The following SLC39A11 variants were observed in gnomAD, a reference collection of about 807,000 sequenced individuals.
SLC39A11 encodes solute carrier family 39 member 11, also known as zinc transporter ZIP11.
A neutral mutation model predicts 36.1 loss-of-function variants in SLC39A11; 33 were observed. The ratio of observed to expected loss-of-function variants is 0.91; its 90% CI spans 0.69 to 1.22. The LOEUF (loss-of-function observed/expected upper bound fraction) is 1.22, where lower values mean the gene tolerates loss of function less well. Ranked by LOEUF, SLC39A11 falls within the 50% of genes most tolerant of loss-of-function variation. The pLI is 0.00. For synonymous variants in SLC39A11, 166 were observed against 170.3 expected (o/e 0.97, Z 0.20); for missense variants, 432 against 430.3 (o/e 1.00, Z -0.03).
At chr17:72,757,217 C>T (rs2144465012) in intron 6 of SLC39A11, among the ~76,000 whole-genome samples, 1 of 151,996 alleles carries the variant, frequency 6.6e-6, no homozygotes, top group African/African-American at 2.4e-5. Flanking sequence ...AAAAGTGGTT[C>T]AAGGTTCAAG....
At chr17:72,982,402 G>C (rs1465148761) in intron 4 of SLC39A11, among the ~76,000 whole-genome samples, 1 of 152,126 alleles carries the variant, frequency 6.6e-6, no homozygotes, top group Non-Finnish European at 1.5e-5. Context: ...GTCATTAATA[G>C]GTTAATTTTA....
intron 6 of SLC39A11, among the ~76,000 whole-genome samples, chr17:72,815,003 G>A (rs1222599753): frequency 6.6e-6 from 1 of 152,126 alleles, no homozygotes; most frequent in African/African-American, 2.4e-5. Flanking sequence ...GCAGGGTAGG[G>A]GGTAAAAAAC....
intron 5 of SLC39A11, among the ~76,000 whole-genome samples, chr17:72,891,876 A>G (rs1259059768): frequency 5.3e-5 from 8 of 151,906 alleles, no homozygotes; most frequent in Admixed American, 1.3e-4. Context: ...TTTAAAATTT[A>G]AAAAACTCTC....
chr17:72,736,801 T>A, intron 6 of SLC39A11, 82 bp from the exon 7 acceptor site: 1 of 1,106,884 alleles, frequency 9.0e-7, no homozygotes, highest in Non-Finnish European at 1.4e-6. Flanking sequence ...CTGCATTAAG[T>A]AGGACTGCAT....
At chr17:72,901,804 G>T (rs565962869) in intron 5 of SLC39A11, among the ~76,000 whole-genome samples, 45 of 152,312 alleles carry the variant, frequency 3.0e-4, no homozygotes, top group Non-Finnish European at 5.7e-4. Context: ...TATGGGAACA[G>T]ATGCTGGTGG....
intron 5 of SLC39A11, among the ~76,000 whole-genome samples, chr17:72,894,978 A>T (rs1288007536): frequency 6.6e-6 from 1 of 152,180 alleles, no homozygotes; most frequent in Non-Finnish European, 1.5e-5. Context: ...GGCAGTGTTC[A>T]TCCTCCTCTC....
In SLC39A11 at chr17:72,973,017, A is replaced by G. The variant is rs539275285; in HGVS notation, c.307-25142T>C. On this transcript the variant is annotated intron_variant, in intron 4 of 9. Transcript: ENST00000255559. ...AACCGAGCTCCTGGACAGCGACCAC[A>G]CAGGCTTCAGCTGAGCCCTTTGTGC... 3.8e-4 allele frequency among the ~76,000 whole-genome samples: 57 copies of G among 151,954 alleles called. No homozygotes were observed. In the South Asian group the frequency reaches 0.011, roughly 30 times the overall value.
intron 4 of SLC39A11, among the ~76,000 whole-genome samples, chr17:72,989,396 C>T (rs529140057): frequency 6.6e-6 from 1 of 152,296 alleles, no homozygotes; most frequent in East Asian, 1.9e-4. Flanking sequence ...TCTTACATTT[C>T]TTGGAGCTAC....
chr17:72,681,621 A>G (rs1055000369), intron 7 of SLC39A11, among the ~76,000 whole-genome samples: 2 of 152,174 alleles, frequency 1.3e-5, no homozygotes, highest in African/African-American at 4.8e-5. Flanking sequence ...ATTCTGAAAC[A>G]ACGAGGGGTT....
intron 3 of SLC39A11, among the ~76,000 whole-genome samples, chr17:73,082,116 T>A (rs1038254701): frequency 3.1e-3 from 245 of 80,240 alleles, no homozygotes; most frequent in South Asian, 5.7e-3. Flanking sequence ...CTACTGAAAC[T>A]AAAAAAAAAG....
intron 3 of SLC39A11, among the ~76,000 whole-genome samples, chr17:73,082,914 C>T (rs2060592554): frequency 1.3e-5 from 2 of 150,148 alleles, no homozygotes; most frequent in South Asian, 4.3e-4. Context: ...TACTCGGGAG[C>T]CTGCAGCAGG....
At chr17:72,927,239 TA>T (rs34012996) in intron 5 of SLC39A11, among the ~76,000 whole-genome samples, 64,506 of 150,208 alleles carry the variant, frequency 0.43, 14,091 homozygotes, top group African/African-American at 0.51. Flanking sequence ...TTGGTAGAGA[TA>T]AAAAAAAAAT....
chr17:72,974,349 C>T (rs555477968), intron 4 of SLC39A11, among the ~76,000 whole-genome samples: 4 of 150,896 alleles, frequency 2.7e-5, no homozygotes, highest in African/African-American at 9.7e-5. Flanking sequence ...ATCCACCCAC[C>T]TTGGCCTCCC....
At chr17:72,699,911 C>T (rs192127226) in intron 7 of SLC39A11, among the ~76,000 whole-genome samples, 145 of 152,246 alleles carry the variant, frequency 9.5e-4, no homozygotes, top group African/African-American at 2.8e-3. Flanking sequence ...CCCTTTTCAG[C>T]ATCTGGGGTT....
intron 4 of SLC39A11, among the ~76,000 whole-genome samples, chr17:72,964,109 T>C (rs2086807378): frequency 6.6e-6 from 1 of 152,020 alleles, no homozygotes; most frequent in South Asian, 2.1e-4. Context: ...ACGATGCAAG[T>C]GCCATGGCTA....
chr17:72,838,233 T>G (rs1045652524), intron 6 of SLC39A11: 200 of 229,120 alleles, frequency 8.7e-4, no homozygotes, highest in African/African-American at 3.3e-3. Context: ...TTCCTTTTCT[T>G]TTTTTTTTTT....
Position 73,004,958 on chromosome 17 carries a change from A to G in SLC39A11, c.306+26598T>C, listed in dbSNP as rs543623882. Reference sequence around the variant, plus strand: ...CACAGCACATAAGCACACCGACCTAACCCCCCAACACATATACACATGTCA... The same window carrying G: ...CACAGCACATAAGCACACCGACCTAGCCCCCCAACACATATACACATGTCA... On this transcript the variant is annotated intron_variant, in intron 4 of 9. Coordinates refer to ENST00000255559, the MANE Select transcript of SLC39A11 (RefSeq NM_139177.4). Among the ~76,000 whole-genome samples the G allele has an allele frequency of 6.4e-4, 98 of 152,000 alleles. 1 individual carries two copies. The highest frequency in any genetic ancestry group is 1.2e-3 in the Non-Finnish European group (81 of 67,986).
In SLC39A11 at chr17:72,821,749, GA is replaced by G. The variant is rs1268002920; in HGVS notation, c.601+27884del. 5 of 151,404 alleles carry G rather than the reference GA, an allele frequency of 3.3e-5. 2 individuals are homozygous for G. The highest frequency in any genetic ancestry group is 7.4e-5 in the Non-Finnish European group (5 of 67,576). The allele number at this position is 151,404 out of a possible 1,614,324, so 9.4% of individuals were successfully genotyped here. On this transcript the variant is annotated intron_variant, in intron 6 of 9. Transcript: ENST00000255559. ...TCTGAGAAACTCAGTATCTCCCTCA[GA>G]CTGAGGCAAAAGGGACTCCGAGGCC...
intron 3 of SLC39A11, among the ~76,000 whole-genome samples, chr17:73,065,396 C>T (rs767327450): frequency 6.6e-6 from 1 of 152,128 alleles, no homozygotes; most frequent in South Asian, 2.1e-4. Flanking sequence ...CAGAGCGAGA[C>T]TCCAGCTCAA....
Sources: gnomAD v4.1 joint callset for allele counts (sites outside exome capture counted in the v4.1 genomes callset) on GRCh38, gnomAD v4.1.1 for gene constraint, MANE v1.5 for transcripts, NCBI Gene and HGNC (gene_info 2026-07-23, HGNC 2026-07-21) for gene names.